CCDC178: variants seen among roughly 807,000 people sequenced by gnomAD.
CCDC178 encodes coiled-coil domain-containing protein 178.
Under a neutral mutation model 117.4 loss-of-function variants are expected in CCDC178, and 126 were observed. That is an observed-to-expected ratio of 1.07 (90% CI 0.93 to 1.24). The LOEUF is 1.24. Among genes scored for constraint, CCDC178 ranks in the 50% most tolerant of loss-of-function variants. The probability of loss-of-function intolerance (pLI) is 0.00; values close to 1 mark genes in which losing one functional copy is unlikely to be tolerated. For missense variants in CCDC178, 1,030 were observed against 986.9 expected (o/e 1.04, Z -0.59); for synonymous variants, 283 against 313.4 (o/e 0.90, Z 1.02).
chr18:33,017,387 G>T (rs1756785760), intron 21 of CCDC178, among the ~76,000 whole-genome samples: 1 of 151,772 alleles, frequency 6.6e-6, no homozygotes, highest in Admixed American at 6.6e-5. Flanking sequence ...TTAAACAAAA[G>T]AAGTGTAATA....
intron 21 of CCDC178, among the ~76,000 whole-genome samples, chr18:33,082,759 T>C (rs1272320408): frequency 6.6e-6 from 1 of 151,542 alleles, no homozygotes; most frequent in African/African-American, 2.4e-5. Context: ...ATACGTATTC[T>C]AAAAAAATAA....
At chr18:33,274,933 G>A (rs1455805230) in intron 12 of CCDC178, among the ~76,000 whole-genome samples, 1 of 151,936 alleles carries the variant, frequency 6.6e-6, no homozygotes, top group Admixed American at 6.6e-5. Flanking sequence ...TTTAGCCCTG[G>A]CCTAAGTAAT....
chr18:33,082,129 C>A (rs538357971), intron 21 of CCDC178, among the ~76,000 whole-genome samples: 1 of 152,252 alleles, frequency 6.6e-6, no homozygotes, highest in South Asian at 2.1e-4. Flanking sequence ...CTCCCAAAAT[C>A]AATTAATTTC....
chr18:33,120,033 C>T (rs918274123), intron 20 of CCDC178, among the ~76,000 whole-genome samples: 6 of 144,280 alleles, frequency 4.2e-5, no homozygotes, highest in African/African-American at 1.5e-4. Context: ...CGGGGCCTGT[C>T]GTGGGGTGGG....
At chr18:32,969,898 C>T (rs947356623) in intron 22 of CCDC178, among the ~76,000 whole-genome samples, 1 of 151,784 alleles carries the variant, frequency 6.6e-6, no homozygotes, top group Non-Finnish European at 1.5e-5. Flanking sequence ...ATAAATACCA[C>T]AAGTTTAAGT....
intron 20 of CCDC178, among the ~76,000 whole-genome samples, chr18:33,207,218 T>C (rs897264256): frequency 6.6e-6 from 1 of 152,132 alleles, no homozygotes; most frequent in African/African-American, 2.4e-5. Context: ...TAAATAAACC[T>C]TCCTATTTCA....
intron 21 of CCDC178, among the ~76,000 whole-genome samples, chr18:33,067,481 A>G (rs1815252336): frequency 6.6e-6 from 1 of 152,180 alleles, no homozygotes; most frequent in Non-Finnish European, 1.5e-5. Context: ...CTAAACTCCA[A>G]ATTAGTAGAA....
At chr18:33,289,828 G>A (rs1309501286) in intron 12 of CCDC178, among the ~76,000 whole-genome samples, 1 of 152,066 alleles carries the variant, frequency 6.6e-6, no homozygotes, top group Admixed American at 6.6e-5. Context: ...TTGAATATAT[G>A]TCAGGAGAGG....
intron 2 of CCDC178, among the ~76,000 whole-genome samples, chr18:33,415,957 T>C (rs2063934405): frequency 6.6e-6 from 1 of 152,170 alleles, no homozygotes; most frequent in Non-Finnish European, 1.5e-5. Flanking sequence ...CTATGCTTTG[T>C]ATATTCCAAA....
At chr18:33,223,346 C>T in intron 17 of CCDC178, 127 bp from the exon 18 acceptor site, 2 of 1,083,498 alleles carry the variant, frequency 1.8e-6, no homozygotes, top group Non-Finnish European at 2.5e-6. Flanking sequence ...AGGGAAAGAA[C>T]CATCACACAT....
At chr18:33,338,617 A>T (rs886694724) in intron 9 of CCDC178, among the ~76,000 whole-genome samples, 1 of 152,160 alleles carries the variant, frequency 6.6e-6, no homozygotes, top group Non-Finnish European at 1.5e-5. Flanking sequence ...GGAATTGCTG[A>T]CTATTATTCT....
chr18:32,988,079 AAATAATAATAAT>A (rs145642185), intron 21 of CCDC178, among the ~76,000 whole-genome samples: 6,055 of 141,182 alleles, frequency 0.043, 229 homozygotes, highest in African/African-American at 0.1. Context: ...ATCCGTCTCA[AAATAATAATAAT>A]AATAATAATA....
chr18:33,084,540 C>T (rs954983017), intron 21 of CCDC178, among the ~76,000 whole-genome samples: 2 of 152,178 alleles, frequency 1.3e-5, no homozygotes, highest in Middle Eastern at 3.4e-3. Context: ...CGGCCGAGCA[C>T]AGTGGCTCAC....
intron 3 of CCDC178, among the ~76,000 whole-genome samples, chr18:33,400,454 G>C (rs1192697478): frequency 6.6e-6 from 1 of 152,178 alleles, no homozygotes; most frequent in East Asian, 1.9e-4. Flanking sequence ...AATTAGCTTA[G>C]CCAGATTTTC....
At chr18:33,049,362 C>A (rs1173917094) in intron 21 of CCDC178, among the ~76,000 whole-genome samples, 1 of 152,020 alleles carries the variant, frequency 6.6e-6, no homozygotes, top group Non-Finnish European at 1.5e-5. Context: ...TATACACATA[C>A]CAAACACATG....
chr18:33,141,858 C>T (rs1430231895), intron 20 of CCDC178, among the ~76,000 whole-genome samples: 3 of 152,106 alleles, frequency 2.0e-5, no homozygotes, highest in African/African-American at 7.2e-5. Context: ...TCCCTATTTC[C>T]CCACCTCCCT....
intron 21 of CCDC178, among the ~76,000 whole-genome samples, chr18:33,011,453 TCAAAGCCCCCA>T (rs2055861861): frequency 6.6e-6 from 1 of 151,950 alleles, no homozygotes; most frequent in South Asian, 2.1e-4. Flanking sequence ...AATAATTCTG[TCAAAGCCCCCA>T]CAGTCTCCTC....
chr18:33,258,761 C>A (rs1333221889), intron 14 of CCDC178, among the ~76,000 whole-genome samples: 1 of 152,042 alleles, frequency 6.6e-6, no homozygotes, highest in African/African-American at 2.4e-5. Flanking sequence ...TATAAACTTA[C>A]AACATTAGTT....
chr18:33,006,045 A>T (rs1389857011), intron 21 of CCDC178, among the ~76,000 whole-genome samples: 1 of 152,088 alleles, frequency 6.6e-6, no homozygotes, highest in Non-Finnish European at 1.5e-5. Context: ...GATAATTTAC[A>T]ATTTATCAGT....
Sources: allele counts gnomAD v4.1 joint callset (sites outside exome capture counted in the v4.1 genomes callset), GRCh38; gene constraint gnomAD v4.1.1; transcripts MANE v1.5; gene names NCBI Gene and HGNC (gene_info 2026-07-23, HGNC 2026-07-21).